Variants in USH2A observed in about 807,000 individuals in gnomAD.
The protein encoded by USH2A is Usher syndrome 2A (autosomal recessive, mild).
A neutral mutation model predicts 538.9 loss-of-function variants in USH2A; 443 were observed. The observed-to-expected ratio is 0.82, with a 90% confidence interval of 0.76 to 0.89. The LOEUF (loss-of-function observed/expected upper bound fraction) is 0.89, where lower values mean the gene tolerates loss of function less well. Among genes scored for constraint, USH2A ranks in the 40% least tolerant of loss-of-function variants. USH2A has a pLI of 0.00. For synonymous variants in USH2A, 2,413 were observed against 2,273.5 expected (o/e 1.06, Z -1.75); for missense variants, 6,633 against 6,324.8 (o/e 1.05, Z -1.65).
At chr1:216,226,791 G>A (rs2035570711) in intron 14 of USH2A, among the ~76,000 whole-genome samples, 1 of 152,154 alleles carries the variant, frequency 6.6e-6, no homozygotes, top group Non-Finnish European at 1.5e-5. Context: ...ACCTTACCCT[G>A]TCTTTCTTCC....
intron 24 of USH2A, chr1:216,085,173 G>T: frequency 3.0e-6 from 1 of 336,508 alleles, no homozygotes; most frequent in Non-Finnish European, 5.5e-6. Flanking sequence ...AAATTCATCT[G>T]CCACTAGCCT....
intron 61 of USH2A, among the ~76,000 whole-genome samples, chr1:215,726,251 A>G (rs969470809): frequency 2.6e-5 from 4 of 152,228 alleles, no homozygotes; most frequent in African/African-American, 9.6e-5. Flanking sequence ...TCCACTAAAA[A>G]GTATCTTTTA....
intron 12 of USH2A, among the ~76,000 whole-genome samples, chr1:216,248,883 T>A (rs1235670722): frequency 1.3e-5 from 2 of 152,022 alleles, no homozygotes; most frequent in Admixed American, 1.3e-4. Flanking sequence ...TACAGGCGAG[T>A]TAGCACACTT....
intron 34 of USH2A, among the ~76,000 whole-genome samples, chr1:215,996,560 GTTTTTTTTTTTTTT>G (rs753233925): frequency 4.0e-3 from 209 of 51,708 alleles, no homozygotes; most frequent in Admixed American, 0.013. Flanking sequence ...AACATATTAT[GTTTTTTTTTTTTTT>G]TTTTTTTTTT....
At chr1:215,954,610 T>A (rs1438709550) in intron 37 of USH2A, among the ~76,000 whole-genome samples, 1 of 151,390 alleles carries the variant, frequency 6.6e-6, no homozygotes, top group Non-Finnish European at 1.5e-5. Flanking sequence ...ATATACCCAG[T>A]GTTAAATGAC....
chr1:215,824,463 T>C (rs995023897), intron 47 of USH2A, among the ~76,000 whole-genome samples: 2 of 152,092 alleles, frequency 1.3e-5, no homozygotes, highest in African/African-American at 4.8e-5. Flanking sequence ...ATACCACCTT[T>C]CCCAAATAGG....
At chr1:215,937,493 G>A (rs1475720762) in intron 37 of USH2A, among the ~76,000 whole-genome samples, 2 of 151,996 alleles carry the variant, frequency 1.3e-5, no homozygotes, top group African/African-American at 4.8e-5. Flanking sequence ...AAGTACATAA[G>A]ACATAATTCT....
At chr1:216,414,830 C>A (rs948687543) in intron 3 of USH2A, among the ~76,000 whole-genome samples, 49 of 152,174 alleles carry the variant, frequency 3.2e-4, no homozygotes, top group African/African-American at 1.1e-3. Context: ...TAGTTTGAAA[C>A]TTGACTAAAC....
intron 11 of USH2A, among the ~76,000 whole-genome samples, chr1:216,251,697 C>G (rs1356238812): frequency 6.6e-6 from 1 of 152,100 alleles, no homozygotes; most frequent in Non-Finnish European, 1.5e-5. Flanking sequence ...GCCTCGGCCT[C>G]CCAAAGTGCT....
At chr1:216,156,897 C>T (rs28525633) in intron 21 of USH2A, among the ~76,000 whole-genome samples, 3,261 of 146,846 alleles carry the variant, frequency 0.022, 117 homozygotes, top group African/African-American at 0.078. Flanking sequence ...TTTTTTGAGA[C>T]GGAGTTTTGC....
chr1:216,012,282 T>A (rs1668594141), intron 32 of USH2A, among the ~76,000 whole-genome samples: 1 of 152,062 alleles, frequency 6.6e-6, no homozygotes, highest in East Asian at 1.9e-4. Flanking sequence ...AGGAAATAAC[T>A]TCTCAGTGTT....
intron 32 of USH2A, among the ~76,000 whole-genome samples, chr1:216,027,226 T>C (rs73092699): frequency 0.015 from 2,247 of 152,114 alleles, 45 homozygotes; most frequent in African/African-American, 0.051. Context: ...GATGCCCTTA[T>C]AAGAAGAGAA....
At chr1:216,164,051 A>G (rs560546882) in intron 21 of USH2A, among the ~76,000 whole-genome samples, 1 of 152,122 alleles carries the variant, frequency 6.6e-6, no homozygotes, top group Non-Finnish European at 1.5e-5. Flanking sequence ...ACTTAATTAC[A>G]TGTTTGATGC....
At chr1:216,330,790 A>G (rs538933377) in intron 4 of USH2A, among the ~76,000 whole-genome samples, 1 of 152,050 alleles carries the variant, frequency 6.6e-6, no homozygotes, top group Non-Finnish European at 1.5e-5. Flanking sequence ...GGAAGATAAG[A>G]GTAGAAGCCA....
At chr1:215,814,119 G>A (rs1662787527) in intron 48 of USH2A, among the ~76,000 whole-genome samples, 1 of 149,100 alleles carries the variant, frequency 6.7e-6, no homozygotes, top group Non-Finnish European at 1.5e-5. Context: ...CTTCAACCAT[G>A]CTTTGTGCTC....
intron 56 of USH2A, among the ~76,000 whole-genome samples, chr1:215,764,735 G>GAT (rs1356796007): frequency 6.6e-6 from 1 of 152,068 alleles, no homozygotes; most frequent in East Asian, 1.9e-4. Flanking sequence ...TGTCTGGGTG[G>GAT]ATAATCTAAA....
intron 32 of USH2A, among the ~76,000 whole-genome samples, chr1:216,031,097 C>A (rs1669111493): frequency 6.6e-6 from 1 of 151,984 alleles, no homozygotes; most frequent in Admixed American, 6.6e-5. Flanking sequence ...TAATCCCTCT[C>A]TTCCTTTATT....
chr1:215,647,376 T>C, intron 67 of USH2A, 146 bp downstream of exon 67: 3 of 1,018,582 alleles, frequency 2.9e-6, no homozygotes, highest in Non-Finnish European at 3.0e-6. Flanking sequence ...TCCTCAGTAG[T>C]CATCCTCATC....
chr1:215,795,971 TA>T (rs1183493671), intron 50 of USH2A, among the ~76,000 whole-genome samples: 1 of 151,996 alleles, frequency 6.6e-6, no homozygotes, highest in East Asian at 1.9e-4. Flanking sequence ...CATAAAATAA[TA>T]AATCTATAAC....
Sources: allele counts gnomAD v4.1 joint callset (sites outside exome capture counted in the v4.1 genomes callset), GRCh38; gene constraint gnomAD v4.1.1; transcripts MANE v1.5; gene names NCBI Gene and HGNC (gene_info 2026-07-23, HGNC 2026-07-21).